The following CNTN5 variants were observed in gnomAD, a reference collection of about 807,000 sequenced individuals.
The protein encoded by CNTN5 is contactin 5.
Under a neutral mutation model 129.1 loss-of-function variants are expected in CNTN5, and 77 were observed. The ratio of observed to expected loss-of-function variants is 0.60; its 90% CI spans 0.50 to 0.72. The LOEUF (loss-of-function observed/expected upper bound fraction) is 0.72, where lower values mean the gene tolerates loss of function less well. Among genes scored for constraint, CNTN5 ranks in the 30% least tolerant of loss-of-function variants. CNTN5 has a pLI of 0.00. For missense variants in CNTN5, 1,478 were observed against 1,328.8 expected, an observed-to-expected ratio of 1.11 and a Z score of -1.75; for synonymous variants, 509 against 465.6, an observed-to-expected ratio of 1.09 and a Z score of -1.20.
At chr11:99,848,250 T>A (rs1372863878) in intron 6 of CNTN5, among the ~76,000 whole-genome samples, 1 of 152,176 alleles carries the variant, frequency 6.6e-6, no homozygotes, top group Non-Finnish European at 1.5e-5. Flanking sequence ...TTGGCAACTT[T>A]CCTTTACATT....
intron 7 of CNTN5, among the ~76,000 whole-genome samples, chr11:99,936,157 A>G (rs768961441): frequency 1.1e-4 from 16 of 152,272 alleles, no homozygotes; most frequent in Middle Eastern, 6.8e-3. Context: ...CATTATTTTT[A>G]CCCACTGCTG....
rs560926049 is a variant in CNTN5, at chr11:99,926,496, A to G, written c.673+10347A>G. Among the ~76,000 whole-genome samples, 9 of 152,264 alleles carry G rather than the reference A, an allele frequency of 5.9e-5. No individual in the cohort carries two copies. The South Asian group carries it at 1.9e-3, about 32-fold the overall frequency. On this transcript the variant is annotated intron_variant, in intron 7 of 24. Transcript: ENST00000524871. ...CAGAGGTAAAAACAAAATATTTTTG[A>G]TGGTAGTTTTATTTAAAATGAGATT...
Position 99,232,373 on chromosome 11 carries a change from T to A in CNTN5, c.-209-92973T>A, listed in dbSNP as rs538606609. On this transcript the variant is annotated intron_variant, in intron 1 of 24. Coordinates refer to ENST00000524871, the MANE Select transcript of CNTN5 (RefSeq NM_014361.4). ...CTTGAAGAGGTCCTATCACTTCCTT[T>A]ATTAGCTGTATTAGTAGGTATTTTA... Among the ~76,000 whole-genome samples the A allele has an allele frequency of 2.6e-3, 394 of 152,260 alleles. 5 individuals carry two copies. The highest frequency in any genetic ancestry group is 8.1e-4 in the Non-Finnish European group (55 of 68,002).
intron 2 of CNTN5, among the ~76,000 whole-genome samples, chr11:99,366,515 T>C (rs1939453507): frequency 6.6e-6 from 1 of 152,126 alleles, no homozygotes; most frequent in Admixed American, 6.6e-5. Flanking sequence ...AAATAGCAAA[T>C]ATTTTTGCAA....
At chr11:100,349,118 G>T (rs930759074) in intron 23 of CNTN5, among the ~76,000 whole-genome samples, 2 of 151,726 alleles carry the variant, frequency 1.3e-5, no homozygotes, top group African/African-American at 2.4e-5. Flanking sequence ...TCCCTCCCAA[G>T]AACATGAAGT....
At chr11:99,582,330 C>G (rs538605129) in intron 3 of CNTN5, among the ~76,000 whole-genome samples, 1 of 152,144 alleles carries the variant, frequency 6.6e-6, no homozygotes, top group Admixed American at 6.5e-5. Context: ...CGAGGAGTAT[C>G]TTTGTGCCAT....
intron 1 of CNTN5, among the ~76,000 whole-genome samples, chr11:99,268,067 A>G (rs1015980592): frequency 1.3e-5 from 2 of 151,966 alleles, no homozygotes; most frequent in African/African-American, 4.8e-5. Flanking sequence ...TCCTCATTTT[A>G]AATCATCACT....
intron 1 of CNTN5, among the ~76,000 whole-genome samples, chr11:99,189,131 C>T (rs372748975): frequency 1.3e-4 from 19 of 151,760 alleles, no homozygotes; most frequent in African/African-American, 4.1e-4. Flanking sequence ...ACAATGTCCT[C>T]CCAGTTCAAC....
chr11:100,036,953 C>T (rs774087612), intron 9 of CNTN5, among the ~76,000 whole-genome samples: 2 of 150,032 alleles, frequency 1.3e-5, no homozygotes, highest in Non-Finnish European at 3.0e-5. Flanking sequence ...AATTGAAGAC[C>T]CTTTATTCCC....
At chr11:99,556,818 T>A (rs1030992164) in intron 3 of CNTN5, among the ~76,000 whole-genome samples, 4 of 150,796 alleles carry the variant, frequency 2.7e-5, no homozygotes, top group African/African-American at 9.7e-5. Flanking sequence ...CTTCTCTGAC[T>A]TTGTTGTAAT....
intron 6 of CNTN5, among the ~76,000 whole-genome samples, chr11:99,868,967 T>C (rs1948429424): frequency 6.6e-6 from 1 of 152,158 alleles, no homozygotes. Context: ...AGCAGTGATT[T>C]CAAACACCAA....
At chr11:100,337,541 G>C in intron 21 of CNTN5, 1 of 744,054 alleles carries the variant, frequency 1.3e-6, no homozygotes, top group East Asian at 2.7e-5. Flanking sequence ...CCCCAGTCAA[G>C]CAAGCTGTGG....
intron 2 of CNTN5, among the ~76,000 whole-genome samples, chr11:99,332,556 C>A (rs1222330160): frequency 3.3e-5 from 5 of 151,990 alleles, no homozygotes; most frequent in African/African-American, 1.2e-4. Context: ...ATACATACGC[C>A]TGTTTTATTT....
intron 3 of CNTN5, among the ~76,000 whole-genome samples, chr11:99,729,023 C>A (rs1475863298): frequency 6.6e-6 from 1 of 152,144 alleles, no homozygotes; most frequent in East Asian, 1.9e-4. Flanking sequence ...TTAATAGGAG[C>A]ATGTCCTCTG....
At chr11:100,165,064 A>C (rs1396785286) in intron 13 of CNTN5, among the ~76,000 whole-genome samples, 1 of 151,780 alleles carries the variant, frequency 6.6e-6, no homozygotes, top group Non-Finnish European at 1.5e-5. Flanking sequence ...AGTGCATCAA[A>C]GTGAATGGGA....
chr11:99,889,774 T>G (rs1394290543), intron 6 of CNTN5, among the ~76,000 whole-genome samples: 1 of 152,164 alleles, frequency 6.6e-6, no homozygotes, highest in African/African-American at 2.4e-5. Context: ...CTCGATCTCC[T>G]GACCTCAGGT....
chr11:99,971,879 T>C (rs1951267234), intron 8 of CNTN5, among the ~76,000 whole-genome samples: 1 of 151,284 alleles, frequency 6.6e-6, no homozygotes, highest in African/African-American at 2.4e-5. Context: ...GCATAAATTA[T>C]ATCTAGCAGG....
chr11:99,902,320 A>G (rs1182403041), intron 6 of CNTN5, among the ~76,000 whole-genome samples: 1 of 151,564 alleles, frequency 6.6e-6, no homozygotes, highest in Non-Finnish European at 1.5e-5. Context: ...TTAAAATCAT[A>G]TAACAGTACC....
chr11:99,153,294 C>T (rs974023930), intron 1 of CNTN5, among the ~76,000 whole-genome samples: 8 of 152,084 alleles, frequency 5.3e-5, no homozygotes, highest in African/African-American at 1.7e-4. Flanking sequence ...GGTCTTTATA[C>T]ATTATCCCAT....
Sources: gnomAD v4.1 joint callset for allele counts (sites outside exome capture counted in the v4.1 genomes callset) on GRCh38, gnomAD v4.1.1 for gene constraint, MANE v1.5 for transcripts, NCBI Gene and HGNC (gene_info 2026-07-23, HGNC 2026-07-21) for gene names.